Variants in FRK observed in about 807,000 individuals in gnomAD.
FRK encodes tyrosine-protein kinase FRK.
In FRK, 51 loss-of-function variants were observed where a neutral mutation model predicts 56.4. That is an observed-to-expected ratio of 0.90 (90% confidence interval 0.72 to 1.14). FRK has a LOEUF of 1.14. Among genes scored for constraint, FRK ranks in the 50% most tolerant of loss-of-function variants. The probability of loss-of-function intolerance (pLI) is 0.00; values close to 1 mark genes in which losing one functional copy is unlikely to be tolerated. For missense variants in FRK, 570 were observed against 601.4 expected (o/e 0.95, Z 0.55); for synonymous variants, 245 against 217.9 (o/e 1.12, Z -1.10).
At chr6:115,988,197 GATAA>G (rs1373178507) in intron 2 of FRK, among the ~76,000 whole-genome samples, 4 of 152,074 alleles carry the variant, frequency 2.6e-5, no homozygotes, top group African/African-American at 9.7e-5. Flanking sequence ...ACAGGATGCT[GATAA>G]ATAGTTATAA....
In FRK at chr6:116,060,471, G is replaced by A. The variant is rs1304408350; in HGVS notation, c.-160C>T. 4.9e-6 allele frequency: 3 copies of A among 616,208 alleles called. No individual in the cohort carries two copies. Among genetic ancestry groups the A allele is most frequent in the East Asian group, 2.8e-5 (1 of 36,098 alleles). The allele number at this position is 616,208 out of a possible 1,614,324, so 38.2% of individuals were successfully genotyped here. A position where few individuals can be genotyped will look rare whatever the true frequency, so the allele number is the denominator to read the frequency against. ...CGTTTCAGATCAGTCCAGCAGCTGG[G>A]TTGCAGCAAGTCCTACCTGGAGAGA... On this transcript the variant is annotated 5_prime_UTR_variant, in exon 1 of 8. Coordinates refer to ENST00000606080, the MANE Select transcript of FRK (RefSeq NM_002031.3).
chr6:116,039,443 G>A, intron 1 of FRK: 1 of 1,573,722 alleles, frequency 6.4e-7, no homozygotes, highest in Non-Finnish European at 8.7e-7. Flanking sequence ...TTCCTCGTGG[G>A]TGATGCTTCC....
At chr6:116,068,830 G>C in the FRK span, among the ~76,000 whole-genome samples, 1 of 149,782 alleles carries the variant, frequency 6.7e-6, no homozygotes, top group Non-Finnish European at 1.5e-5. Context: ...TATCAATTCA[G>C]GTTTAAAAAA....
At chr6:116,029,585 A>G (rs1417497457) in intron 1 of FRK, among the ~76,000 whole-genome samples, 2 of 152,088 alleles carry the variant, frequency 1.3e-5, no homozygotes, top group African/African-American at 4.8e-5. Context: ...TAAATCATCA[A>G]TTTAATTCAG....
upstream of FRK, among the ~76,000 whole-genome samples, chr6:116,062,961 A>C (rs1426381089): frequency 6.6e-6 from 1 of 152,178 alleles, no homozygotes; most frequent in African/African-American, 2.4e-5. Context: ...TTCCTAGATT[A>C]TTCCAGAGGC....
the FRK span, among the ~76,000 whole-genome samples, chr6:116,079,839 G>T: frequency 6.6e-6 from 1 of 152,074 alleles, no homozygotes; most frequent in Non-Finnish European, 1.5e-5. Flanking sequence ...CTTCCAAACT[G>T]CTGGGATTAC....
chr6:115,944,731 C>T (rs1387445648), intron 5 of FRK, among the ~76,000 whole-genome samples: 1 of 151,894 alleles, frequency 6.6e-6, no homozygotes, highest in East Asian at 1.9e-4. Flanking sequence ...ATTTATTTAT[C>T]TTTTATTTTA....
chr6:116,086,775 A>T, the FRK span, among the ~76,000 whole-genome samples: 2 of 152,250 alleles, frequency 1.3e-5, no homozygotes, highest in Non-Finnish European at 2.9e-5. Context: ...AAAGATGAAA[A>T]TGAATAAATG....
the FRK span, among the ~76,000 whole-genome samples, chr6:116,072,581 G>A: frequency 6.8e-6 from 1 of 147,348 alleles, no homozygotes; most frequent in African/African-American, 2.6e-5. Context: ...CCTTTCAGAG[G>A]AAATGTGCAG....
chr6:115,992,547 G>A (rs1412250669), intron 2 of FRK, among the ~76,000 whole-genome samples: 1 of 151,332 alleles, frequency 6.6e-6, no homozygotes, highest in Non-Finnish European at 1.5e-5. Context: ...GACAAATTGA[G>A]GCCAGGAAAA....
chr6:116,051,859 A>T (rs1373606049), intron 1 of FRK, among the ~76,000 whole-genome samples: 2 of 152,174 alleles, frequency 1.3e-5, no homozygotes, highest in Non-Finnish European at 2.9e-5. Flanking sequence ...AAATCTATTA[A>T]TATTCAGTGA....
chr6:116,044,533 C>A (rs576915131), intron 1 of FRK, among the ~76,000 whole-genome samples: 3 of 152,214 alleles, frequency 2.0e-5, no homozygotes, highest in African/African-American at 7.2e-5. Context: ...AAATTCAACA[C>A]CCCTTCATGC....
intron 1 of FRK, among the ~76,000 whole-genome samples, chr6:116,047,415 TGAGATG>T (rs1777006507): frequency 6.7e-6 from 1 of 148,910 alleles, no homozygotes; most frequent in African/African-American, 2.5e-5. Flanking sequence ...TTTTTTTAAT[TGAGATG>T]GAGTCTTGCT....
chr6:116,066,592 T>C, the FRK span, among the ~76,000 whole-genome samples: 1 of 152,306 alleles, frequency 6.6e-6, no homozygotes, highest in Admixed American at 6.5e-5. Context: ...ATTGCACTTA[T>C]GAATTCCAAA....
chr6:115,936,116 C>T lies in FRK; in HGVS notation c.*6298G>A, dbSNP rs542576698. On this transcript the variant is annotated 3_prime_UTR_variant, in exon 8 of 8. Coordinates refer to ENST00000606080, the MANE Select transcript of FRK (RefSeq NM_002031.3). Reference sequence around the variant, plus strand: ...GCTCTGGCTGGCATCCAGTGGGTGCCCCTCTGGGACGAAGCTTCCAGAGGA... The same window carrying T: ...GCTCTGGCTGGCATCCAGTGGGTGCTCCTCTGGGACGAAGCTTCCAGAGGA... 3.7e-5 allele frequency: 6 copies of T among 161,980 alleles called. No individual in the cohort carries two copies. In the East Asian group the frequency reaches 1.1e-3, roughly 29 times the overall value. 10.0% of individuals were successfully genotyped at this position (161,980 alleles called of 1,614,324 possible).
intron 2 of FRK, among the ~76,000 whole-genome samples, chr6:116,003,358 T>G (rs1015173522): frequency 2.0e-5 from 3 of 152,236 alleles, no homozygotes; most frequent in Non-Finnish European, 4.4e-5. Flanking sequence ...CCCCTGTGCT[T>G]CTTTTCTCCT....
In FRK at chr6:115,957,806, G is replaced by A. The variant is rs113678759; in HGVS notation, c.800-1196C>T. ...TGCCACTAGTGCCCTGTGTGATCTT[G>A]AGCAAGTTATCAAACCTCTCTAAAC... On this transcript the variant is annotated intron_variant, in intron 4 of 7. Transcript: ENST00000606080. Among the ~76,000 whole-genome samples, 1,202 of 152,266 alleles carry A rather than the reference G, an allele frequency of 7.9e-3. 7 individuals carry two copies. Among genetic ancestry groups the A allele is most frequent in the Non-Finnish European group, 0.014 (945 of 68,022 alleles).
rs916368748 is a variant in FRK at position 115,931,153 on chromosome 6, A to G, written c.*11261T>C. 2 of 152,236 alleles carry G rather than the reference A, an allele frequency of 1.3e-5. No individual in the cohort carries two copies. Among genetic ancestry groups the G allele is most frequent in the Non-Finnish European group, 2.9e-5 (2 of 68,036 alleles). 9.4% of individuals were successfully genotyped at this position (152,236 alleles called of 1,614,324 possible). A position where few individuals can be genotyped will look rare whatever the true frequency, so the allele number is the denominator to read the frequency against. ...CAACTGAGGAGACATTTCACGTGCT[A>G]TGAACACATTGAATTTATATTTTAG... On this transcript the variant is annotated 3_prime_UTR_variant, in exon 8 of 8. Transcript: ENST00000606080.
chr6:115,974,238 A>G (rs1773913642), intron 2 of FRK, among the ~76,000 whole-genome samples: 1 of 152,218 alleles, frequency 6.6e-6, no homozygotes, highest in African/African-American at 2.4e-5. Context: ...GTGCACCACA[A>G]AAGATCTAAT....
Sources: allele counts gnomAD v4.1 joint callset (sites outside exome capture counted in the v4.1 genomes callset), GRCh38; gene constraint gnomAD v4.1.1; transcripts MANE v1.5; gene names NCBI Gene and HGNC (gene_info 2026-07-23, HGNC 2026-07-21).